Variants in SH3GL2 observed in about 807,000 individuals in gnomAD.
The protein encoded by SH3GL2 is endophilin-A1.
In SH3GL2, 24 loss-of-function variants were observed where a neutral mutation model predicts 46.0. The ratio of observed to expected loss-of-function variants is 0.52; its 90% confidence interval spans 0.38 to 0.73. The LOEUF is 0.73. Ranked by LOEUF, SH3GL2 falls within the 30% of genes least tolerant of loss-of-function variation. SH3GL2 has a pLI of 0.00. For synonymous variants in SH3GL2, 196 were observed against 147.1 expected (o/e 1.33, Z -2.40); for missense variants, 413 against 424.2 (o/e 0.97, Z 0.23).
chr9:17,644,675 G>A (rs1387640247), intron 1 of SH3GL2, among the ~76,000 whole-genome samples: 2 of 152,204 alleles, frequency 1.3e-5, no homozygotes, highest in African/African-American at 2.4e-5. Flanking sequence ...TGATTACACT[G>A]TGGCTTGAGA....
At chr9:17,649,752 A>G (rs1240237948) in intron 1 of SH3GL2, among the ~76,000 whole-genome samples, 1 of 152,344 alleles carries the variant, frequency 6.6e-6, no homozygotes, top group African/African-American at 2.4e-5. Context: ...TTGAATACAA[A>G]TATGTAATAT....
At chr9:17,606,277 G>C (rs1478770906) in intron 1 of SH3GL2, among the ~76,000 whole-genome samples, 1 of 152,106 alleles carries the variant, frequency 6.6e-6, no homozygotes, top group Non-Finnish European at 1.5e-5. Flanking sequence ...AGTTTTAATA[G>C]AGACGAGGTT....
At chr9:17,770,807 G>C (rs966116028) in intron 3 of SH3GL2, among the ~76,000 whole-genome samples, 1 of 152,194 alleles carries the variant, frequency 6.6e-6, no homozygotes, top group African/African-American at 2.4e-5. Context: ...AACAGCCAGC[G>C]GGAAGCCAGA....
intron 1 of SH3GL2, among the ~76,000 whole-genome samples, chr9:17,716,019 A>T (rs1390172822): frequency 1.3e-5 from 2 of 152,076 alleles, no homozygotes; most frequent in East Asian, 3.9e-4. Flanking sequence ...GTAAATTTGA[A>T]AAATCTTAAG....
intron 1 of SH3GL2, among the ~76,000 whole-genome samples, chr9:17,592,346 C>G (rs1401356481): frequency 6.6e-6 from 1 of 152,216 alleles, no homozygotes. Context: ...CCCTGGCAGA[C>G]ACACACAGAA....
At chr9:17,611,247 T>C (rs1039967236) in intron 1 of SH3GL2, among the ~76,000 whole-genome samples, 11 of 152,244 alleles carry the variant, frequency 7.2e-5, no homozygotes, top group African/African-American at 2.4e-4. Context: ...TTTATAGTTT[T>C]CATGATCATG....
At chr9:17,582,863 A>C (rs1053711565) in intron 1 of SH3GL2, among the ~76,000 whole-genome samples, 6 of 152,184 alleles carry the variant, frequency 3.9e-5, no homozygotes, top group African/African-American at 1.4e-4. Context: ...GCTTGTAGAT[A>C]CATCACCTTG....
At chr9:17,670,306 A>G (rs997358252) in intron 1 of SH3GL2, among the ~76,000 whole-genome samples, 12 of 152,206 alleles carry the variant, frequency 7.9e-5, no homozygotes, top group Admixed American at 5.9e-4. Context: ...ACTCTTTGTT[A>G]GAAAATAAGT....
chr9:17,774,564 C>G (rs1026388421), intron 3 of SH3GL2, among the ~76,000 whole-genome samples: 2 of 148,638 alleles, frequency 1.3e-5, no homozygotes, highest in Non-Finnish European at 3.0e-5. Context: ...TTTTTTTTTA[C>G]TCTATTTTGT....
intron 1 of SH3GL2, among the ~76,000 whole-genome samples, chr9:17,705,270 G>A (rs893636178): frequency 6.6e-6 from 1 of 152,070 alleles, no homozygotes; most frequent in Non-Finnish European, 1.5e-5. Context: ...GCAGAGAAAA[G>A]AGAATGCTTA....
At chr9:17,636,031 G>T (rs1456393679) in intron 1 of SH3GL2, among the ~76,000 whole-genome samples, 1 of 152,130 alleles carries the variant, frequency 6.6e-6, no homozygotes, top group Non-Finnish European at 1.5e-5. Context: ...TTGCTTTCTA[G>T]GCACAAAGTT....
chr9:17,685,643 T>A (rs933720563), intron 1 of SH3GL2, among the ~76,000 whole-genome samples: 7 of 152,086 alleles, frequency 4.6e-5, no homozygotes, highest in African/African-American at 1.7e-4. Flanking sequence ...GAGGAAGGGA[T>A]CCAGTTTCAG....
chr9:17,601,661 A>G (rs1450871677), intron 1 of SH3GL2, among the ~76,000 whole-genome samples: 1 of 152,224 alleles, frequency 6.6e-6, no homozygotes, highest in East Asian at 1.9e-4. Context: ...TTGTAGGGAT[A>G]GCAGAGGAAG....
intron 3 of SH3GL2, among the ~76,000 whole-genome samples, chr9:17,786,128 G>C (rs1002928343): frequency 2.6e-5 from 4 of 152,150 alleles, no homozygotes; most frequent in African/African-American, 7.2e-5. Flanking sequence ...GAATTTGAGC[G>C]TGTAATCCTG....
At chr9:17,704,284 A>G (rs1419042840) in intron 1 of SH3GL2, among the ~76,000 whole-genome samples, 1 of 152,138 alleles carries the variant, frequency 6.6e-6, no homozygotes, top group Non-Finnish European at 1.5e-5. Flanking sequence ...GCTCAAAGAA[A>G]TCGGAGATAA....
At chr9:17,726,384 C>G (rs909438334) in intron 1 of SH3GL2, among the ~76,000 whole-genome samples, 1 of 152,122 alleles carries the variant, frequency 6.6e-6, no homozygotes, top group Non-Finnish European at 1.5e-5. Flanking sequence ...ACTCAATAAA[C>G]GTCTGAATGA....
intron 1 of SH3GL2, among the ~76,000 whole-genome samples, chr9:17,679,550 G>C (rs1820711002): frequency 6.6e-6 from 1 of 152,104 alleles, no homozygotes; most frequent in South Asian, 2.1e-4. Context: ...GGGTTTTCTA[G>C]ATATACAATC....
At chr9:17,681,320 C>T (rs895189559) in intron 1 of SH3GL2, among the ~76,000 whole-genome samples, 4 of 152,086 alleles carry the variant, frequency 2.6e-5, no homozygotes, top group Non-Finnish European at 5.9e-5. Flanking sequence ...ACAGTGTTAC[C>T]AATTAATGCT....
At chr9:17,717,035 A>G (rs1248984266) in intron 1 of SH3GL2, among the ~76,000 whole-genome samples, 2 of 151,972 alleles carry the variant, frequency 1.3e-5, no homozygotes, top group South Asian at 2.1e-4. Flanking sequence ...CCTGCTTTTT[A>G]TTTCGTCAGA....
Sources: gnomAD v4.1 joint callset for allele counts (sites outside exome capture counted in the v4.1 genomes callset) on GRCh38, gnomAD v4.1.1 for gene constraint, MANE v1.5 for transcripts, NCBI Gene and HGNC (gene_info 2026-07-23, HGNC 2026-07-21) for gene names.